The following SNX29 variants were observed in gnomAD, a reference collection of about 807,000 sequenced individuals.
The protein encoded by SNX29 is sorting nexin 29.
Under a neutral mutation model 102.1 loss-of-function variants are expected in SNX29, and 78 were observed. The observed-to-expected ratio is 0.76, with a 90% CI of 0.64 to 0.92. The LOEUF is 0.92. Among genes scored for constraint, SNX29 ranks in the 40% least tolerant of loss-of-function variants. The pLI is 0.00. For synonymous variants in SNX29, 580 were observed against 414.5 expected (o/e 1.40, Z -4.85); for missense variants, 1,280 against 1,061.7 (o/e 1.21, Z -2.86).
chr16:12,356,275 G>A lies in SNX29; in HGVS notation c.1895G>A (p.Gly632Glu). 3 of 1,600,006 alleles carry A rather than the reference G, an allele frequency of 1.9e-6. No individual in the cohort carries two copies. The highest frequency in any genetic ancestry group is 2.6e-6 in the Non-Finnish European group (3 of 1,173,774). The part of the protein sequence containing the change: ...QMRQELIDLR[G>E]PVPGDLSQTS... ...AGGCAGGAGCTCATCGATCTCCGGG[G>A]ACCGGTGAGTGTTTCCCCAACCCTG... Residue 632 changes from glycine to glutamate, a missense_variant, in exon 16 of 21, where the codon GGA (glycine) becomes GAA (glutamate). Gly to Glu is a moderately conservative substitution (Grantham distance 98). Transcript: ENST00000566228.
intron 15 of SNX29, among the ~76,000 whole-genome samples, chr16:12,335,504 A>G (rs1295271546): frequency 6.6e-6 from 1 of 152,038 alleles, no homozygotes. Flanking sequence ...CTCCCACCCC[A>G]TCTCTACAAA....
Position 12,395,937 on chromosome 16 carries a change from A to G in SNX29, c.1900-2509A>G, listed in dbSNP as rs112526125. 5.3e-4 allele frequency among the ~76,000 whole-genome samples: 80 copies of G among 152,222 alleles called. 1 individual carries two copies. Among genetic ancestry groups the G allele is most frequent in the Non-Finnish European group, 2.2e-4 (15 of 68,026 alleles). On this transcript the variant is annotated intron_variant, in intron 16 of 20. Transcript: ENST00000566228. Reference sequence around the variant, plus strand: ...CTTTAATTATCATCATGCATTTGCTACAGTGCCTGGCCTTGTTATCAAGTT... The same window carrying G: ...CTTTAATTATCATCATGCATTTGCTGCAGTGCCTGGCCTTGTTATCAAGTT...
chr16:12,387,019 G>A (rs1475624577), intron 16 of SNX29, among the ~76,000 whole-genome samples: 1 of 152,154 alleles, frequency 6.6e-6, no homozygotes, highest in Non-Finnish European at 1.5e-5. Flanking sequence ...CAGCTACTCT[G>A]GAGGCCAAGG....
chr16:12,040,273 G>A (rs1389538215), intron 4 of SNX29, among the ~76,000 whole-genome samples: 1 of 152,148 alleles, frequency 6.6e-6, no homozygotes, highest in Non-Finnish European at 1.5e-5. Flanking sequence ...AGCTACTCGG[G>A]AGGCTGAGAC....
At chr16:12,154,781 C>T (rs868150073) in intron 13 of SNX29, among the ~76,000 whole-genome samples, 15 of 152,308 alleles carry the variant, frequency 9.8e-5, no homozygotes, top group African/African-American at 3.4e-4. Context: ...TCATAGATGG[C>T]ACCTTCTCCC....
At chr16:12,369,435 C>T (rs964741543) in intron 16 of SNX29, among the ~76,000 whole-genome samples, 18 of 152,160 alleles carry the variant, frequency 1.2e-4, no homozygotes, top group African/African-American at 3.4e-4. Flanking sequence ...CGTGCCCGGC[C>T]GCATGTTCAT....
Position 12,463,202 on chromosome 16 carries a change from A to G in SNX29, c.2038-14517A>G, listed in dbSNP as rs959942435. ...GCGGAGGCACTTTCTCTGCATTGCT[A>G]CTCAAACCCAGATGTGACAGCTGGG... On this transcript the variant is annotated intron_variant, in intron 18 of 20. Transcript: ENST00000566228. Among the ~76,000 whole-genome samples, 3 of 152,220 alleles carry G rather than the reference A, an allele frequency of 2.0e-5. No homozygotes were observed. In the South Asian group the frequency reaches 6.2e-4, roughly 32 times the overall value.
intron 16 of SNX29, among the ~76,000 whole-genome samples, chr16:12,382,903 C>G (rs992705239): frequency 6.6e-6 from 1 of 152,064 alleles, no homozygotes. Context: ...GATTTAGGGC[C>G]TACCTGGATA....
intron 15 of SNX29, among the ~76,000 whole-genome samples, chr16:12,318,725 G>T (rs956360500): frequency 2.0e-5 from 3 of 152,006 alleles, no homozygotes; most frequent in African/African-American, 7.3e-5. Context: ...CTGTAACGAG[G>T]TACAGGGAGA....
At chr16:12,377,183 G>T (rs28605678) in intron 16 of SNX29, among the ~76,000 whole-genome samples, 6,564 of 152,278 alleles carry the variant, frequency 0.043, 273 homozygotes, top group African/African-American at 0.1. Context: ...CTGAGCCTCA[G>T]TTTTCACAGC....
In SNX29 at chr16:12,569,773, A is replaced by G. The variant is rs1401043060; in HGVS notation, c.*1144A>G. ...CAGTGAGCTCACATCAGAGCACCTC[A>G]CAGAGCAATAGCCGTCCTCAGATGC... On this transcript the variant is annotated 3_prime_UTR_variant, in exon 21 of 21. Coordinates refer to ENST00000566228, the MANE Select transcript of SNX29 (RefSeq NM_032167.5). 2 of 230,338 alleles carry G rather than the reference A, an allele frequency of 8.7e-6. No individual in the cohort carries two copies. Among genetic ancestry groups the G allele is most frequent in the Non-Finnish European group, 1.7e-5 (2 of 116,258 alleles). The allele number at this position is 230,338 out of a possible 1,614,324, so 14.3% of individuals were successfully genotyped here. A position where few individuals can be genotyped will look rare whatever the true frequency, so the allele number is the denominator to read the frequency against.
intron 20 of SNX29, among the ~76,000 whole-genome samples, chr16:12,541,229 C>T (rs117470223): frequency 6.6e-6 from 1 of 152,234 alleles, no homozygotes; most frequent in Middle Eastern, 3.4e-3. Flanking sequence ...GAGAGAAGGA[C>T]TATGGAACCA....
At chr16:12,147,400 A>G (rs2055108996) in intron 13 of SNX29, among the ~76,000 whole-genome samples, 1 of 152,236 alleles carries the variant, frequency 6.6e-6, no homozygotes, top group African/African-American at 2.4e-5. Context: ...GGTTACGGTA[A>G]TTATTCACCG....
chr16:12,406,737 A>G (rs925485790), intron 18 of SNX29, among the ~76,000 whole-genome samples: 1 of 152,148 alleles, frequency 6.6e-6, no homozygotes, highest in African/African-American at 2.4e-5. Context: ...GTGAAACCCC[A>G]TCTCTACTAA....
intron 20 of SNX29, among the ~76,000 whole-genome samples, chr16:12,543,267 C>G (rs978889619): frequency 6.6e-6 from 1 of 152,202 alleles, no homozygotes; most frequent in Non-Finnish European, 1.5e-5. Flanking sequence ...TCTGGGTCAT[C>G]AGCGCATGCA....
At chr16:12,085,399 T>G (rs1325000815) in intron 11 of SNX29, among the ~76,000 whole-genome samples, 1 of 152,224 alleles carries the variant, frequency 6.6e-6, no homozygotes, top group Non-Finnish European at 1.5e-5. Flanking sequence ...TAATCTCGGC[T>G]CACTGCAACC....
intron 14 of SNX29, among the ~76,000 whole-genome samples, chr16:12,238,977 A>G (rs1029650755): frequency 6.6e-6 from 1 of 152,184 alleles, no homozygotes; most frequent in Admixed American, 6.5e-5. Flanking sequence ...AGGAAGGCCA[A>G]AAGGACTCTC....
At chr16:12,544,052 C>A (rs2077471011) in intron 20 of SNX29, among the ~76,000 whole-genome samples, 1 of 152,194 alleles carries the variant, frequency 6.6e-6, no homozygotes, top group Admixed American at 6.5e-5. Context: ...TGCAAAGCCA[C>A]AGGAATCACA....
At chr16:12,280,673 T>C (rs2079403052) in intron 15 of SNX29, among the ~76,000 whole-genome samples, 1 of 152,202 alleles carries the variant, frequency 6.6e-6, no homozygotes, top group South Asian at 2.1e-4. Context: ...AAAGACAGGT[T>C]CTGCCGGTGA....
Sources: allele counts gnomAD v4.1 joint callset (sites outside exome capture counted in the v4.1 genomes callset), GRCh38; gene constraint gnomAD v4.1.1; transcripts MANE v1.5; gene names NCBI Gene and HGNC (gene_info 2026-07-23, HGNC 2026-07-21).